ESRRB: variants seen among roughly 807,000 people sequenced by gnomAD.
ESRRB encodes the protein estrogen related receptor beta, also known as steroid hormone receptor ERR2.
Under a neutral mutation model 46.0 loss-of-function variants are expected in ESRRB, and 16 were observed. The ratio of observed to expected loss-of-function variants is 0.35; its 90% CI spans 0.24 to 0.53. The LOEUF (loss-of-function observed/expected upper bound fraction) is 0.53. Ranked by LOEUF, ESRRB falls within the 20% of genes least tolerant of loss-of-function variation. The pLI, the probability that ESRRB is intolerant of heterozygous loss-of-function variation, is 0.93. For synonymous variants in ESRRB, 246 were observed against 259.6 expected (o/e 0.95, Z 0.50); for missense variants, 488 against 607.4 (o/e 0.80, Z 2.07).
At chr14:76,335,677 T>G (rs895172785) in intron 1 of ESRRB, among the ~76,000 whole-genome samples, 36 of 152,180 alleles carry the variant, frequency 2.4e-4, no homozygotes, top group Non-Finnish European at 7.3e-5. Flanking sequence ...GGGTTCTAAG[T>G]TGGCGAATTC....
At chr14:76,362,720 T>C (rs972505542) in intron 1 of ESRRB, among the ~76,000 whole-genome samples, 38 of 152,144 alleles carry the variant, frequency 2.5e-4, no homozygotes, top group African/African-American at 8.9e-4. Flanking sequence ...CAACGCATGC[T>C]CCGGGGAGAC....
intron 6 of ESRRB, among the ~76,000 whole-genome samples, chr14:76,497,826 C>A (rs1890491649): frequency 6.6e-6 from 1 of 152,166 alleles, no homozygotes; most frequent in African/African-American, 2.4e-5. Flanking sequence ...CTGTTTAACT[C>A]CTTTAAGCCC....
rs144081845 is a variant in ESRRB, at chr14:76,376,154, G to A, written c.-248G>A. 112 of 379,352 alleles carry A rather than the reference G, an allele frequency of 3.0e-4. No homozygotes were observed. Among genetic ancestry groups the A allele is most frequent in the African/African-American group, 2.2e-3 (108 of 48,272 alleles). The allele number at this position is 379,352 out of a possible 1,614,324, so 23.5% of individuals were successfully genotyped here. On this transcript the variant is annotated 5_prime_UTR_variant, in exon 1 of 7. Transcript: ENST00000644823. The surrounding 1 kb of genome is among the most constrained non-coding windows in gnomAD (Gnocchi z 4.1). The stretch of plus-strand genomic sequence containing the variant: ...TGGGCTCCAAGTCTCTTGTGCCCCA[G>A]CCTCCTCCACGGCTTCGCATCCCCT...
At chr14:76,365,300 C>A (rs1884507223) in intron 1 of ESRRB, among the ~76,000 whole-genome samples, 1 of 152,160 alleles carries the variant, frequency 6.6e-6, no homozygotes, top group African/African-American at 2.4e-5. Context: ...CAAAGTGAGA[C>A]CCTTGTCTCT....
At chr14:76,477,890 T>C (rs1486750230) in intron 3 of ESRRB, among the ~76,000 whole-genome samples, 2 of 152,196 alleles carry the variant, frequency 1.3e-5, no homozygotes, top group African/African-American at 4.8e-5. Context: ...GGCAAAAAGC[T>C]TGGGTCTTTT....
At chr14:76,414,322 A>G (rs1054884614) in intron 1 of ESRRB, among the ~76,000 whole-genome samples, 2 of 148,594 alleles carry the variant, frequency 1.3e-5, no homozygotes, top group Admixed American at 6.8e-5. Context: ...TTTGCTCCCG[A>G]GTTTCTTCAT....
chr14:76,384,067 T>A (rs955443830), intron 1 of ESRRB, among the ~76,000 whole-genome samples: 1 of 152,192 alleles, frequency 6.6e-6, no homozygotes. Context: ...TGTTGTATGC[T>A]TTTGTTTTTG....
At position 76,426,190 on chromosome 14, in the gene ESRRB, C is replaced by T. The variant is rs563666948; in HGVS notation, c.51-13151C>T. Among the ~76,000 whole-genome samples, 28 of 152,276 alleles carry T rather than the reference C, an allele frequency of 1.8e-4. No homozygotes were observed. The South Asian group carries it at 5.6e-3, about 30-fold the overall frequency. On this transcript the variant is annotated intron_variant, in intron 1 of 6. Coordinates refer to ENST00000644823, the MANE Select transcript of ESRRB (RefSeq NM_001379180.1). ...CTGCTAATTTGTGGCTCTGCTATCC[C>T]CCAGGGTCTTGGAGCCCCCTGGCCT...
At chr14:76,336,603 G>A (rs1884129074) in intron 1 of ESRRB, among the ~76,000 whole-genome samples, 1 of 152,122 alleles carries the variant, frequency 6.6e-6, no homozygotes, top group Non-Finnish European at 1.5e-5. Flanking sequence ...CTTTCCTGCT[G>A]GGGTGACAGA....
At chr14:76,344,373 C>A (rs530337321) in intron 1 of ESRRB, among the ~76,000 whole-genome samples, 10 of 152,298 alleles carry the variant, frequency 6.6e-5, no homozygotes, top group Admixed American at 5.9e-4. Flanking sequence ...ACCCATCACT[C>A]AAGCAGTACA....
intron 6 of ESRRB, among the ~76,000 whole-genome samples, chr14:76,494,092 C>T (rs1472104824): frequency 2.0e-5 from 3 of 152,338 alleles, no homozygotes; most frequent in East Asian, 3.9e-4. Context: ...TTGCCTCAGG[C>T]TCTGCTCCCA....
intron 1 of ESRRB, among the ~76,000 whole-genome samples, chr14:76,385,668 C>G (rs549653281): frequency 5.3e-5 from 8 of 152,186 alleles, no homozygotes; most frequent in Non-Finnish European, 1.2e-4. Context: ...CCCACCATCC[C>G]GTACTCCAAG....
At chr14:76,465,923 G>T (rs571008331) in intron 3 of ESRRB, among the ~76,000 whole-genome samples, 1 of 152,188 alleles carries the variant, frequency 6.6e-6, no homozygotes, top group Non-Finnish European at 1.5e-5. Context: ...CTGAAGCTCC[G>T]TGGGGACCGA....
chr14:76,453,768 A>T (rs1370785729), intron 2 of ESRRB, among the ~76,000 whole-genome samples: 3 of 151,294 alleles, frequency 2.0e-5, no homozygotes, highest in Non-Finnish European at 2.9e-5. Flanking sequence ...ATGCCACCAC[A>T]CTCGGCTAAT....
chr14:76,392,062 G>A (rs1382000853), intron 1 of ESRRB, among the ~76,000 whole-genome samples: 6 of 152,178 alleles, frequency 3.9e-5, no homozygotes, highest in Non-Finnish European at 2.9e-5. Flanking sequence ...ATAGCTCTTC[G>A]AAGGCTTTCT....
intron 2 of ESRRB, among the ~76,000 whole-genome samples, chr14:76,445,953 T>C (rs1253528641): frequency 6.6e-6 from 1 of 152,182 alleles, no homozygotes; most frequent in Admixed American, 6.5e-5. Flanking sequence ...CCCAAAGTGT[T>C]GGAATTACAG....
upstream of ESRRB, among the ~76,000 whole-genome samples, chr14:76,374,155 C>T (rs1052384681): frequency 8.5e-5 from 13 of 152,302 alleles, no homozygotes; most frequent in East Asian, 2.1e-3. Context: ...TCAGCAAAAT[C>T]TTCATCAAGC....
intron 1 of ESRRB, among the ~76,000 whole-genome samples, chr14:76,417,034 G>C (rs1595096508): frequency 2.0e-5 from 3 of 152,278 alleles, no homozygotes; most frequent in African/African-American, 7.2e-5. Context: ...CTGCTCAGGA[G>C]GCTGAGACAG....
intron 1 of ESRRB, among the ~76,000 whole-genome samples, chr14:76,322,777 C>A (rs527945062): frequency 5.3e-5 from 8 of 152,334 alleles, no homozygotes; most frequent in African/African-American, 1.9e-4. Context: ...GATTCTACCG[C>A]CTTGGGCAGC....
Sources: gnomAD v4.1 joint callset for allele counts (sites outside exome capture counted in the v4.1 genomes callset) on GRCh38, gnomAD v4.1.1 for gene constraint, Gnocchi (gnomAD v3.1) non-coding constraint, MANE v1.5 for transcripts, NCBI Gene and HGNC (gene_info 2026-07-23, HGNC 2026-07-21) for gene names.